ARID1B: variants seen among roughly 807,000 people sequenced by gnomAD.
ARID1B encodes AT-rich interactive domain-containing protein 1B.
Under a neutral mutation model 212.3 loss-of-function variants are expected in ARID1B, and 30 were observed. The observed-to-expected ratio is 0.14, with a 90% CI of 0.11 to 0.19. ARID1B has a LOEUF of 0.19. ARID1B is among the 10% of genes least tolerant of loss of function. The pLI is 1.00. For missense variants in ARID1B, 2,891 were observed against 3,204.0 expected, an observed-to-expected ratio of 0.90 and a Z score of 2.36; for synonymous variants, 1,402 against 1,301.7, an observed-to-expected ratio of 1.08 and a Z score of -1.66.
At chr6:157,144,208 C>G (rs2128618584) in intron 7 of ARID1B, among the ~76,000 whole-genome samples, 1 of 152,256 alleles carries the variant, frequency 6.6e-6, no homozygotes, top group African/African-American at 2.4e-5. Context: ...CCAGTTAAAC[C>G]CAGGAGGTTG....
chr6:156,916,802 AC>A (rs1489289031), intron 3 of ARID1B, among the ~76,000 whole-genome samples: 1 of 152,116 alleles, frequency 6.6e-6, no homozygotes, highest in Non-Finnish European at 1.5e-5. Flanking sequence ...CTCCTAAGAT[AC>A]TGGAAGAGAC....
chr6:156,875,719 C>T (rs796361542), intron 2 of ARID1B, among the ~76,000 whole-genome samples: 15 of 152,172 alleles, frequency 9.9e-5, no homozygotes, highest in African/African-American at 3.6e-4. Flanking sequence ...GAAAGCTGCG[C>T]GTATTAAGTA....
At chr6:157,073,561 T>C (rs1304284652) in intron 4 of ARID1B, among the ~76,000 whole-genome samples, 1 of 152,258 alleles carries the variant, frequency 6.6e-6, no homozygotes, top group Non-Finnish European at 1.5e-5. Flanking sequence ...CGACTGCTTA[T>C]TGAGCACTTA....
Position 156,903,616 on chromosome 6 carries a change from T to C in ARID1B, c.2136+2091T>C, listed in dbSNP as rs369921427. Among the ~76,000 whole-genome samples the C allele has an allele frequency of 6.6e-4, 100 of 152,300 alleles. No individual in the cohort carries two copies. In the South Asian group the frequency reaches 8.7e-3, roughly 13 times the overall value. On this transcript the variant is annotated intron_variant, in intron 3 of 19. Transcript: ENST00000636930. ...AAAGTGATAACTTGCATTATAGATATATTTAGCACCTCCAAAACCTAAGTA... is the reference window on the plus strand; with the variant it reads ...AAAGTGATAACTTGCATTATAGATACATTTAGCACCTCCAAAACCTAAGTA...
chr6:157,115,070 T>C (rs1483393986), intron 6 of ARID1B, among the ~76,000 whole-genome samples: 1 of 152,230 alleles, frequency 6.6e-6, no homozygotes, highest in Non-Finnish European at 1.5e-5. Context: ...CCAGCTTTCC[T>C]GACAGCAGTC....
intron 4 of ARID1B, among the ~76,000 whole-genome samples, chr6:157,080,303 C>T (rs1399516993): frequency 2.0e-5 from 3 of 152,178 alleles, no homozygotes; most frequent in African/African-American, 7.2e-5. Flanking sequence ...CTGACTTATT[C>T]CCAGTTCTCT....
At position 157,209,244 on chromosome 6, in the gene ARID1B, C is replaced by T. The variant is rs759536456; in HGVS notation, c.*1353C>T. ...GTTCCACATGTTAAGAATAAATGTA[C>T]ATTAAATCTTGTTAAGCACTGTGAT... On this transcript the variant is annotated 3_prime_UTR_variant, in exon 20 of 20. Transcript: ENST00000636930. The T allele has an allele frequency of 3.9e-5, 9 of 230,506 alleles. No homozygotes were observed. The highest frequency in any genetic ancestry group is 6.9e-5 in the Non-Finnish European group (8 of 116,346). 14.3% of individuals were successfully genotyped at this position (230,506 alleles called of 1,614,324 possible). A position where few individuals can be genotyped will look rare whatever the true frequency, so the allele number is the denominator to read the frequency against.
Position 156,817,208 on chromosome 6 carries a change from T to G in ARID1B, c.1792-12019T>G, listed in dbSNP as rs549165658. 9.9e-5 allele frequency among the ~76,000 whole-genome samples: 15 copies of G among 151,106 alleles called. No individual in the cohort carries two copies. The South Asian group carries it at 3.2e-3, about 32-fold the overall frequency. ...AGACCAGCCTGGGCAAAACCCTGTC[T>G]CTACTAAAAATACAAAAAAAAATTA... On this transcript the variant is annotated intron_variant, in intron 1 of 19. Coordinates refer to ENST00000636930, the MANE Select transcript of ARID1B (RefSeq NM_001374828.1).
chr6:157,167,293 G>C (rs1208344383), intron 9 of ARID1B, 108 bp downstream of exon 9: 3 of 1,367,924 alleles, frequency 2.2e-6, no homozygotes, highest in African/African-American at 1.5e-5. Context: ...ATCAGTTGGC[G>C]AAAGTGGGAA....
intron 2 of ARID1B, among the ~76,000 whole-genome samples, chr6:156,880,659 A>G (rs976129028): frequency 4.7e-5 from 7 of 148,200 alleles, no homozygotes; most frequent in Non-Finnish European, 8.9e-5. Flanking sequence ...GTTTCAGTTG[A>G]ACCCCGGGAG....
At chr6:156,798,593 A>T (rs901189190) in intron 1 of ARID1B, among the ~76,000 whole-genome samples, 6 of 152,256 alleles carry the variant, frequency 3.9e-5, no homozygotes, top group African/African-American at 1.4e-4. Flanking sequence ...ACTGAGGGGA[A>T]GATTATTTAC....
chr6:156,952,722 A>G (rs1381747537), intron 4 of ARID1B, among the ~76,000 whole-genome samples: 1 of 152,218 alleles, frequency 6.6e-6, no homozygotes, highest in Non-Finnish European at 1.5e-5. Context: ...TCCTGTTAGT[A>G]AGGGAACTAG....
At chr6:156,995,698 T>C (rs1778544418) in intron 4 of ARID1B, among the ~76,000 whole-genome samples, 1 of 152,240 alleles carries the variant, frequency 6.6e-6, no homozygotes, top group Admixed American at 6.5e-5. Flanking sequence ...TCGTCAGTGC[T>C]GTACCAGCTG....
intron 2 of ARID1B, among the ~76,000 whole-genome samples, chr6:156,888,258 A>C (rs1190303014): frequency 6.6e-6 from 1 of 152,220 alleles, no homozygotes; most frequent in African/African-American, 2.4e-5. Context: ...GCAGATAAGC[A>C]AGAAGCTCCT....
Position 156,919,063 on chromosome 6 carries a change from A to G in ARID1B, c.2137-16403A>G, listed in dbSNP as rs59596979. On this transcript the variant is annotated intron_variant, in intron 3 of 19. Transcript: ENST00000636930. ...AAGACCCATTGAAGAATGAAGAAAA[A>G]TAACATTTTGAGAATGTTAGAATGT... Among the ~76,000 whole-genome samples, 253 of 152,308 alleles carry G rather than the reference A, an allele frequency of 1.7e-3. 2 individuals are homozygous for G. In the East Asian group the frequency reaches 0.044, roughly 27 times the overall value.
chr6:156,859,777 T>A (rs980526424), intron 2 of ARID1B, among the ~76,000 whole-genome samples: 1 of 152,228 alleles, frequency 6.6e-6, no homozygotes, highest in African/African-American at 2.4e-5. Flanking sequence ...CTGGTCTAAA[T>A]GTGCTTGAAA....
intron 4 of ARID1B, chr6:157,024,408 C>T (rs185004931): frequency 4.1e-4 from 63 of 152,320 alleles, no homozygotes; most frequent in African/African-American, 1.5e-3. Flanking sequence ...AAATTGAGTC[C>T]ATTTAATATT....
chr6:157,131,216 C>T (rs1310417761), intron 6 of ARID1B, among the ~76,000 whole-genome samples: 2 of 152,182 alleles, frequency 1.3e-5, no homozygotes, highest in East Asian at 1.9e-4. Flanking sequence ...TTAACCACCA[C>T]GTCCCACACG....
chr6:157,021,765 C>T (rs1397228750), intron 4 of ARID1B, among the ~76,000 whole-genome samples: 4 of 152,082 alleles, frequency 2.6e-5, no homozygotes, highest in South Asian at 2.1e-4. Flanking sequence ...CGGGAGGCGG[C>T]GGCCGCTCGC....
Sources: gnomAD v4.1 joint callset for allele counts (sites outside exome capture counted in the v4.1 genomes callset) on GRCh38, gnomAD v4.1.1 for gene constraint, MANE v1.5 for transcripts, NCBI Gene and HGNC (gene_info 2026-07-23, HGNC 2026-07-21) for gene names.